PCDH15: variants seen among roughly 807,000 people sequenced by gnomAD.
The protein encoded by PCDH15 is protocadherin related 15.
PCDH15 carries 129 observed loss-of-function variants against 178.5 expected under a neutral mutation model. That is an observed-to-expected ratio of 0.72 (90% CI 0.63 to 0.84). The LOEUF (loss-of-function observed/expected upper bound fraction) is 0.84, where lower values mean the gene tolerates loss of function less well. Among genes scored for constraint, PCDH15 ranks in the 40% least tolerant of loss-of-function variants. The pLI is 0.00. For synonymous variants in PCDH15, 800 were observed against 732.0 expected (o/e 1.09, Z -1.50); for missense variants, 2,230 against 2,099.9 (o/e 1.06, Z -1.21).
intron 3 of PCDH15, among the ~76,000 whole-genome samples, chr10:54,431,399 T>TA (rs764142230): frequency 6.6e-6 from 1 of 152,172 alleles, no homozygotes; most frequent in Non-Finnish European, 1.5e-5. Context: ...ATTAAAAAGA[T>TA]TATTGAATAT....
At chr10:55,312,132 T>C (rs935871607) in intron 1 of PCDH15, among the ~76,000 whole-genome samples, 7 of 152,130 alleles carry the variant, frequency 4.6e-5, no homozygotes, top group African/African-American at 1.7e-4. Context: ...GGCAAACTGC[T>C]GAAAGGAGAT....
intron 2 of PCDH15, among the ~76,000 whole-genome samples, chr10:55,561,893 A>C (rs1842208161): frequency 6.6e-6 from 1 of 151,908 alleles, no homozygotes; most frequent in African/African-American, 2.4e-5. Context: ...AGACTGCCCC[A>C]GTTTAAAATT....
intron 2 of PCDH15, among the ~76,000 whole-genome samples, chr10:55,444,054 T>A (rs930537957): frequency 3.3e-5 from 5 of 151,226 alleles, no homozygotes; most frequent in African/African-American, 1.2e-4. Context: ...AAACACCATA[T>A]GTCCTCACTC....
chr10:55,268,492 T>A (rs1446836960), intron 1 of PCDH15, among the ~76,000 whole-genome samples: 1 of 152,182 alleles, frequency 6.6e-6, no homozygotes, highest in Non-Finnish European at 1.5e-5. Context: ...GTTCATATTG[T>A]TGACAATGGT....
intron 3 of PCDH15, among the ~76,000 whole-genome samples, chr10:54,398,787 G>T (rs1285917769): frequency 6.6e-6 from 1 of 152,012 alleles, no homozygotes; most frequent in Non-Finnish European, 1.5e-5. Flanking sequence ...ATAATCAATA[G>T]CCTTGCAGAC....
At chr10:54,163,420 A>AGAGC (rs1410694510) in intron 13 of PCDH15, among the ~76,000 whole-genome samples, 1 of 151,760 alleles carries the variant, frequency 6.6e-6, no homozygotes, top group Non-Finnish European at 1.5e-5. Flanking sequence ...AGAGAGAGAG[A>AGAGC]GCGAGAGGAG....
At chr10:55,607,194 T>C (rs1049248458) in intron 2 of PCDH15, among the ~76,000 whole-genome samples, 7 of 150,834 alleles carry the variant, frequency 4.6e-5, no homozygotes, top group African/African-American at 1.5e-4. Context: ...AAAACCACAA[T>C]GAGATACCAT....
chr10:54,770,101 G>C (rs555120433), intron 1 of PCDH15, among the ~76,000 whole-genome samples: 6 of 152,200 alleles, frequency 3.9e-5, no homozygotes, highest in Admixed American at 2.6e-4. Flanking sequence ...TGCAGATACA[G>C]AAACATTTCC....
At chr10:54,028,112 C>G (rs997422888) in intron 18 of PCDH15, among the ~76,000 whole-genome samples, 9 of 150,252 alleles carry the variant, frequency 6.0e-5, no homozygotes, top group African/African-American at 2.2e-4. Context: ...ACAACCCCAT[C>G]AAAAAGTGGG....
rs977614371 is a variant in PCDH15, at chr10:54,213,970, C to G, written c.1064G>C (p.Arg355Thr). 6.2e-7 allele frequency: 1 copy of G among 1,610,102 alleles called. No individual in the cohort carries two copies. The highest frequency in any genetic ancestry group is 1.3e-5 in the African/African-American group (1 of 74,808). Reference protein sequence around the residue: ...AELSLLEPVNRDFHQKFDLVI... With the variant: ...AELSLLEPVNTDFHQKFDLVI... ...CAAATCAAATTTCTGGTGAAAGTCT[C>G]TGTTTACTGGCTCCAGGAGACTAAG... The change falls in exon 10 of 38, where the codon AGA becomes ACA. Residue 355 changes from arginine to threonine, a missense_variant. By Grantham distance (71) the Arg-to-Thr change is moderately conservative. Transcript: ENST00000644397.
intron 2 of PCDH15, among the ~76,000 whole-genome samples, chr10:54,970,380 G>T (rs750621130): frequency 6.6e-6 from 1 of 152,156 alleles, no homozygotes; most frequent in Non-Finnish European, 1.5e-5. Flanking sequence ...GATAGCTACA[G>T]GTTGAACCAT....
chr10:55,530,683 C>G lies in PCDH15; in HGVS notation c.-156+96942G>C, dbSNP rs146934404. On this transcript the variant is annotated intron_variant, in intron 2 of 5. Transcript: ENST00000613346. ...GATAAATATAAACATCATTTATTTTCTTTGGTTTATTTTTGTCTTTTGGGG... is the reference window on the plus strand; with the variant it reads ...GATAAATATAAACATCATTTATTTTGTTTGGTTTATTTTTGTCTTTTGGGG... 2.2e-4 allele frequency among the ~76,000 whole-genome samples: 34 copies of G among 151,886 alleles called. No homozygotes were observed. The East Asian group carries it at 4.7e-3, about 21-fold the overall frequency.
intron 25 of PCDH15, among the ~76,000 whole-genome samples, chr10:53,922,787 T>C (rs1384371380): frequency 6.6e-6 from 1 of 152,162 alleles, no homozygotes; most frequent in Non-Finnish European, 1.5e-5. Flanking sequence ...TTGTGTATTT[T>C]AATAAAACAC....
At chr10:55,561,047 A>C (rs896420362) in intron 2 of PCDH15, among the ~76,000 whole-genome samples, 4 of 151,824 alleles carry the variant, frequency 2.6e-5, no homozygotes, top group Non-Finnish European at 4.4e-5. Context: ...GTTATTTAGA[A>C]ATGTTCTGGA....
chr10:54,420,467 A>G (rs1167712369), intron 3 of PCDH15, among the ~76,000 whole-genome samples: 1 of 152,122 alleles, frequency 6.6e-6, no homozygotes, highest in East Asian at 1.9e-4. Flanking sequence ...ATTTCACCCA[A>G]GAAAAGTGAA....
At chr10:53,956,654 A>G (rs527236949) in intron 23 of PCDH15, among the ~76,000 whole-genome samples, 1 of 152,258 alleles carries the variant, frequency 6.6e-6, no homozygotes, top group East Asian at 1.9e-4. Flanking sequence ...AGTTGTGTAT[A>G]TTATTAATAC....
At position 54,207,072 on chromosome 10, in the gene PCDH15, T is replaced by C. The variant is rs79920373; in HGVS notation, c.1098+6864A>G. On this transcript the variant is annotated intron_variant, in intron 10 of 37. Transcript: ENST00000644397. Reference sequence around the variant, plus strand: ...TCTTCCCAAGCAGTTACAGGTCACCTTGTGAGGAAGAAAAAAGGCCAAATA... The same window carrying C: ...TCTTCCCAAGCAGTTACAGGTCACCCTGTGAGGAAGAAAAAAGGCCAAATA... Among the ~76,000 whole-genome samples, 943 of 152,244 alleles carry C rather than the reference T, an allele frequency of 6.2e-3. 9 individuals are homozygous for C. The highest frequency in any genetic ancestry group is 0.019 in the African/African-American group (776 of 41,568).
chr10:53,962,482 T>C (rs2088461744), intron 21 of PCDH15, among the ~76,000 whole-genome samples: 1 of 152,220 alleles, frequency 6.6e-6, no homozygotes, highest in African/African-American at 2.4e-5. Context: ...GGTATTTCTA[T>C]ACATCATTAG....
At chr10:55,303,725 C>T (rs997572322) in intron 1 of PCDH15, among the ~76,000 whole-genome samples, 3 of 151,694 alleles carry the variant, frequency 2.0e-5, no homozygotes, top group East Asian at 1.9e-4. Context: ...TCTTATTATC[C>T]TTTTGATATC....
Sources: gnomAD v4.1 joint callset for allele counts (sites outside exome capture counted in the v4.1 genomes callset) on GRCh38, gnomAD v4.1.1 for gene constraint, MANE v1.5 for transcripts, NCBI Gene and HGNC (gene_info 2026-07-23, HGNC 2026-07-21) for gene names.